DPYD: variants seen among roughly 807,000 people sequenced by gnomAD.
DPYD encodes the protein dihydropyrimidine dehydrogenase.
In DPYD, 109 loss-of-function variants were observed where a neutral mutation model predicts 116.2. That is an observed-to-expected ratio of 0.94 (90% CI 0.80 to 1.10). The LOEUF is 1.10. Ranked by LOEUF, DPYD falls within the 50% of genes least tolerant of loss-of-function variation. DPYD has a pLI of 0.00. For synonymous variants in DPYD, 440 were observed against 432.0 expected (o/e 1.02, Z -0.23); for missense variants, 1,302 against 1,254.5 (o/e 1.04, Z -0.57).
intron 21 of DPYD, 117 bp from the exon 22 acceptor site, chr1:97,082,587 G>T (rs1649236341): frequency 2.5e-6 from 3 of 1,193,954 alleles, no homozygotes; most frequent in Non-Finnish European, 2.5e-6. Context: ...TAACTTGGGA[G>T]ACTGGATAGT....
intron 16 of DPYD, among the ~76,000 whole-genome samples, chr1:97,326,031 A>G (rs1483455345): frequency 1.3e-5 from 2 of 151,700 alleles, no homozygotes; most frequent in African/African-American, 2.4e-5. Flanking sequence ...GTGAGAGTAT[A>G]AGAGTCCAAG....
chr1:97,101,980 A>G (rs1255561572), intron 20 of DPYD, among the ~76,000 whole-genome samples: 2 of 152,048 alleles, frequency 1.3e-5, no homozygotes, highest in Non-Finnish European at 1.5e-5. Flanking sequence ...GTCTCTATCC[A>G]GATATAAAAA....
intron 8 of DPYD, among the ~76,000 whole-genome samples, chr1:97,671,130 T>A (rs180862989): frequency 2.0e-5 from 3 of 152,186 alleles, no homozygotes; most frequent in African/African-American, 4.8e-5. Flanking sequence ...CCTTAGTGAT[T>A]AATAAATTAT....
chr1:97,605,161 A>G (rs1182259453), intron 8 of DPYD, among the ~76,000 whole-genome samples: 1 of 152,128 alleles, frequency 6.6e-6, no homozygotes, highest in Non-Finnish European at 1.5e-5. Context: ...TCTGTTTATA[A>G]AAGAAGTTGT....
intron 19 of DPYD, among the ~76,000 whole-genome samples, chr1:97,225,003 G>GTCTGTCTATCTA (rs906853969): frequency 4.7e-5 from 6 of 127,062 alleles, no homozygotes; most frequent in African/African-American, 6.8e-5. Flanking sequence ...CTGTCTGTCT[G>GTCTGTCTATCTA]TCTATCTATC....
At chr1:97,403,262 T>C (rs1291648501) in intron 14 of DPYD, among the ~76,000 whole-genome samples, 1 of 152,092 alleles carries the variant, frequency 6.6e-6, no homozygotes, top group Non-Finnish European at 1.5e-5. Flanking sequence ...AGTGGAGTTA[T>C]CTAGACATAT....
chr1:97,080,054 A>G (rs921235369), intron 22 of DPYD, among the ~76,000 whole-genome samples: 2 of 152,064 alleles, frequency 1.3e-5, no homozygotes, highest in African/African-American at 4.8e-5. Context: ...CCTCAGCGGA[A>G]GTTACAGGAT....
intron 6 of DPYD, among the ~76,000 whole-genome samples, chr1:97,694,530 T>A (rs1223147747): frequency 6.6e-6 from 1 of 152,198 alleles, no homozygotes; most frequent in Non-Finnish European, 1.5e-5. Flanking sequence ...CAGACTTTTA[T>A]GTTCACTTGG....
intron 1 of DPYD, among the ~76,000 whole-genome samples, chr1:97,891,577 G>A (rs554478436): frequency 4.6e-5 from 7 of 151,856 alleles, no homozygotes; most frequent in African/African-American, 1.7e-4. Flanking sequence ...AGTGGAATGC[G>A]GAAACATACA....
At chr1:97,829,048 T>C (rs531709959) in intron 2 of DPYD, among the ~76,000 whole-genome samples, 1 of 152,032 alleles carries the variant, frequency 6.6e-6, no homozygotes, top group African/African-American at 2.4e-5. Context: ...ATTTTCAATT[T>C]ATATACATAT....
chr1:97,686,257 G>A (rs1234276900), intron 7 of DPYD, among the ~76,000 whole-genome samples: 1 of 152,116 alleles, frequency 6.6e-6, no homozygotes, highest in Non-Finnish European at 1.5e-5. Context: ...AAATGGTGCT[G>A]GGAAAGCTGG....
chr1:97,412,019 C>A (rs1570691997), intron 14 of DPYD, among the ~76,000 whole-genome samples: 1 of 152,214 alleles, frequency 6.6e-6, no homozygotes, highest in East Asian at 1.9e-4. Flanking sequence ...AATACACATG[C>A]ACTAATATTT....
chr1:97,580,753 A>T (rs1219408594), intron 10 of DPYD, among the ~76,000 whole-genome samples: 1 of 152,022 alleles, frequency 6.6e-6, no homozygotes, highest in Non-Finnish European at 1.5e-5. Context: ...CTCATCCTCC[A>T]CTATGACCCA....
intron 7 of DPYD, among the ~76,000 whole-genome samples, chr1:97,687,582 C>T (rs1245593575): frequency 6.6e-6 from 1 of 152,132 alleles, no homozygotes; most frequent in Non-Finnish European, 1.5e-5. Context: ...TCCTCAAAGA[C>T]ATAGAACCAG....
At chr1:97,636,839 C>A (rs1483894850) in intron 8 of DPYD, among the ~76,000 whole-genome samples, 1 of 152,052 alleles carries the variant, frequency 6.6e-6, no homozygotes, top group Non-Finnish European at 1.5e-5. Flanking sequence ...TGAATGAGGG[C>A]ATTGTCTCTC....
At chr1:97,429,875 G>A (rs1214939118) in intron 14 of DPYD, among the ~76,000 whole-genome samples, 1 of 152,046 alleles carries the variant, frequency 6.6e-6, no homozygotes, top group Non-Finnish European at 1.5e-5. Flanking sequence ...GGAGAAGAGG[G>A]TTGTGGAGAA....
intron 2 of DPYD, among the ~76,000 whole-genome samples, chr1:97,852,630 C>T (rs1670630423): frequency 6.6e-6 from 1 of 152,074 alleles, no homozygotes; most frequent in South Asian, 2.1e-4. Flanking sequence ...TTGTATAATG[C>T]CAACTATTTT....
chr1:97,502,680 G>T (rs1017173849), intron 13 of DPYD, among the ~76,000 whole-genome samples: 1 of 151,912 alleles, frequency 6.6e-6, no homozygotes, highest in Non-Finnish European at 1.5e-5. Context: ...AATGATGGGG[G>T]CTGTGATGTG....
chr1:97,580,120 T>C (rs898226920), intron 10 of DPYD, among the ~76,000 whole-genome samples: 3 of 152,214 alleles, frequency 2.0e-5, no homozygotes, highest in Admixed American at 6.5e-5. Context: ...AGATTGCACA[T>C]AGGCAAAGCA....
Sources: gnomAD v4.1 joint callset for allele counts (sites outside exome capture counted in the v4.1 genomes callset) on GRCh38, gnomAD v4.1.1 for gene constraint, MANE v1.5 for transcripts, NCBI Gene and HGNC (gene_info 2026-07-23, HGNC 2026-07-21) for gene names.